Variants in A4GALT observed in about 807,000 individuals in gnomAD.
The protein encoded by A4GALT is lactosylceramide 4-alpha-galactosyltransferase.
For synonymous variants in A4GALT, 257 were observed against 220.7 expected (o/e 1.16, Z -1.46); for missense variants, 512 against 486.0 (o/e 1.05, Z -0.50).
rs762419257 is a variant in A4GALT at position 42,693,475 on chromosome 22, G to A, written c.477C>T (p.Tyr159=). The A allele has an allele frequency of 1.5e-5, 25 of 1,613,044 alleles. No individual in the cohort carries two copies. In the East Asian group the frequency reaches 4.0e-4, roughly 26 times the overall value. The change falls in exon 3 of 3, where the codon TAC becomes TAT. Residue 159 remains tyrosine (Y), a synonymous_variant. Transcript: ENST00000642412. Reference sequence around the variant, plus strand: ...GCTCCCAGCGCCCCTGCACGGCCGCGTACCAGTCGGCCAGGGGTGTGTCCC... The same window carrying A: ...GCTCCCAGCGCCCCTGCACGGCCGCATACCAGTCGGCCAGGGGTGTGTCCC... ...LFRDTPLADW[Y]AAVQGRWEPY...
At chr22:42,720,059 G>A (rs927339842) in intron 1 of A4GALT, among the ~76,000 whole-genome samples, 1 of 152,184 alleles carries the variant, frequency 6.6e-6, no homozygotes, top group African/African-American at 2.4e-5. Context: ...TGGGCGCTGG[G>A]ACCAGGTGCC....
chr22:42,720,063 A>G (rs903907022), intron 1 of A4GALT, among the ~76,000 whole-genome samples: 2 of 152,192 alleles, frequency 1.3e-5, no homozygotes, highest in African/African-American at 2.4e-5. Flanking sequence ...CGCTGGGACC[A>G]GGTGCCCCGG....
Position 42,692,911 on chromosome 22 carries a change from CTCGTGCG to C in A4GALT, c.1034_1040del (p.Thr345ArgfsTer3). ...CCCCTCACAAGTACATTTTCATGGC[CTCGTGCG>C]TCGTGGGGCAGTAGCGGGCATGCAG... is the stretch of plus-strand genomic sequence containing the variant. On this transcript the variant is annotated frameshift_variant, in exon 3 of 3. Transcript: ENST00000642412. LOFTEE classifies it high-confidence loss of function. The surrounding 1 kb of genome is among the most constrained non-coding windows in gnomAD (Gnocchi z 4.6). 1 of 1,604,690 alleles carries C rather than the reference CTCGTGCG, an allele frequency of 6.2e-7. No homozygotes were observed.
intron 1 of A4GALT, among the ~76,000 whole-genome samples, chr22:42,712,255 G>GCAA (rs1921762322): frequency 6.6e-6 from 1 of 152,070 alleles, no homozygotes; most frequent in African/African-American, 2.4e-5. Context: ...GAAATTCCCC[G>GCAA]CAACCCCTCC....
At chr22:42,718,001 T>C (rs1922343081) in intron 1 of A4GALT, among the ~76,000 whole-genome samples, 1 of 152,194 alleles carries the variant, frequency 6.6e-6, no homozygotes, top group South Asian at 2.1e-4. Flanking sequence ...TCATACGCAC[T>C]GATTACCAGG....
chr22:42,696,890 GTTC>G lies in A4GALT; in HGVS notation c.-187-1262_-187-1260del, dbSNP rs533575798. On this transcript the variant is annotated intron_variant, in intron 1 of 2. Coordinates refer to ENST00000642412, the MANE Select transcript of A4GALT (RefSeq NM_017436.7). The stretch of plus-strand genomic sequence containing the variant: ...CACCTGCTGTTCTTCTGCTTGGAGG[GTTC>G]TTCTCTCAGATGCCCACTCAAAAGT... 2.2e-4 allele frequency among the ~76,000 whole-genome samples: 33 copies of G among 151,206 alleles called. No individual in the cohort carries two copies. The South Asian group carries it at 6.9e-3, about 32-fold the overall frequency.
chr22:42,706,535 C>T (rs1921150427), intron 1 of A4GALT, among the ~76,000 whole-genome samples: 1 of 151,874 alleles, frequency 6.6e-6, no homozygotes, highest in African/African-American at 2.4e-5. Context: ...TCGCTTACGC[C>T]TGTAATCTCA....
chr22:42,696,798 G>T (rs989410311), intron 1 of A4GALT, among the ~76,000 whole-genome samples: 3 of 151,178 alleles, frequency 2.0e-5, no homozygotes, highest in African/African-American at 7.3e-5. Context: ...TTCTCTCCCC[G>T]CCACCTGTGC....
At position 42,695,559 on chromosome 22, in the gene A4GALT, T is replaced by TG. The variant is rs3216827; in HGVS notation, c.-116dup. 0.12 allele frequency: 18,394 copies of TG among 152,314 alleles called. 1,718 individuals carry two copies. Among genetic ancestry groups the TG allele is most frequent in the East Asian group, 0.56 (2,875 of 5,162 alleles). 9.4% of individuals were successfully genotyped at this position (152,314 alleles called of 1,614,324 possible). On this transcript the variant is annotated 5_prime_UTR_variant, in exon 2 of 3. Coordinates refer to ENST00000642412, the MANE Select transcript of A4GALT (RefSeq NM_017436.7). ...CCACAGGCCTCCGGGAGACACGCCCTGGCTCAGCAGCCGACCTTCTTTGCC... is the reference window on the plus strand; with the variant it reads ...CCACAGGCCTCCGGGAGACACGCCCTGGGCTCAGCAGCCGACCTTCTTTGCC...
At chr22:42,714,094 A>T (rs1921938510) in intron 1 of A4GALT, among the ~76,000 whole-genome samples, 1 of 151,804 alleles carries the variant, frequency 6.6e-6, no homozygotes, top group Non-Finnish European at 1.5e-5. Flanking sequence ...GTTGCGTGGG[A>T]AACATAGGGA....
Position 42,704,202 on chromosome 22 carries a change from C to T in A4GALT, c.-187-8571G>A, listed in dbSNP as rs546630028. Reference sequence around the variant, plus strand: ...ATTGGTATAAGAAGGACTGTTTGTGCCCAGGCGCAGTGGCTCATGCTTGTA... The same window carrying T: ...ATTGGTATAAGAAGGACTGTTTGTGTCCAGGCGCAGTGGCTCATGCTTGTA... On this transcript the variant is annotated intron_variant, in intron 1 of 2. Coordinates refer to ENST00000642412, the MANE Select transcript of A4GALT (RefSeq NM_017436.7). 2.4e-4 allele frequency among the ~76,000 whole-genome samples: 36 copies of T among 152,052 alleles called. 2 individuals carry two copies. Among genetic ancestry groups the T allele is most frequent in the African/African-American group, 8.2e-4 (34 of 41,512 alleles).
In A4GALT at chr22:42,705,931, G is replaced by C. The variant is rs531288258; in HGVS notation, c.-187-10300C>G. On this transcript the variant is annotated intron_variant, in intron 1 of 2. Coordinates refer to ENST00000642412, the MANE Select transcript of A4GALT (RefSeq NM_017436.7). Reference sequence around the variant, plus strand: ...TAGCCAGGCGTGGTAATGTGTGCCTGTCATCCCAGCTACTCGGGAGGCTGA... The same window carrying C: ...TAGCCAGGCGTGGTAATGTGTGCCTCTCATCCCAGCTACTCGGGAGGCTGA... 1.1e-4 allele frequency among the ~76,000 whole-genome samples: 13 copies of C among 120,126 alleles called. 2 individuals are homozygous for C. The highest frequency in any genetic ancestry group is 3.5e-4 in the African/African-American group (13 of 37,490). 78.8% of individuals were successfully genotyped at this position (120,126 alleles called of 152,430 possible). A position where few individuals can be genotyped will look rare whatever the true frequency, so the allele number is the denominator to read the frequency against.
chr22:42,700,412 G>C (rs573192402), intron 1 of A4GALT, among the ~76,000 whole-genome samples: 9 of 152,312 alleles, frequency 5.9e-5, no homozygotes, highest in African/African-American at 2.2e-4. Context: ...AGCCACGGTC[G>C]GGTGGTGGGA....
chr22:42,713,281 G>A (rs1921853687), intron 1 of A4GALT, among the ~76,000 whole-genome samples: 1 of 152,178 alleles, frequency 6.6e-6, no homozygotes, highest in Admixed American at 6.5e-5. Flanking sequence ...GTCAGGAGGT[G>A]ACAATTCACA....
At chr22:42,706,191 T>A (rs1221765443) in intron 1 of A4GALT, among the ~76,000 whole-genome samples, 1 of 134,660 alleles carries the variant, frequency 7.4e-6, no homozygotes, top group Non-Finnish European at 1.6e-5. Flanking sequence ...CCGTCTCTAC[T>A]AAAAATACAA....
At chr22:42,718,783 C>T (rs527848868) in intron 1 of A4GALT, among the ~76,000 whole-genome samples, 5 of 152,238 alleles carry the variant, frequency 3.3e-5, no homozygotes, top group South Asian at 2.1e-4. Flanking sequence ...GGGAAGCATG[C>T]GGTGAGCCAA....
Position 42,693,048 on chromosome 22 carries a change from C to G in A4GALT, c.904G>C (p.Glu302Gln). The G allele has an allele frequency of 6.2e-7, 1 of 1,612,658 alleles. No individual in the cohort carries two copies. The highest frequency in any genetic ancestry group is 8.5e-7 in the Non-Finnish European group (1 of 1,179,062). Residue 302 changes from glutamate to glutamine, a missense_variant, in exon 3 of 3, where the codon GAG becomes CAG. Transcript: ENST00000642412. ...GCACTGAGCAGCCGCGGCAGCTCCT[C>G]GGGGTTGATGTCCTCAAAGTACTTC... The part of the protein sequence containing the change: ...WKKYFEDINP[E>Q]ELPRLLSATY...
intron 1 of A4GALT, among the ~76,000 whole-genome samples, chr22:42,705,173 A>G (rs952538658): frequency 3.9e-5 from 6 of 152,032 alleles, no homozygotes; most frequent in Admixed American, 6.6e-5. Context: ...TTCCACCAAA[A>G]CCTCCTGTTA....
intron 1 of A4GALT, among the ~76,000 whole-genome samples, chr22:42,717,597 CCTT>C (rs1171943770): frequency 6.6e-6 from 1 of 152,198 alleles, no homozygotes; most frequent in Non-Finnish European, 1.5e-5. Context: ...ACCTGTCCCT[CCTT>C]CTCCTGGGCC....
Sources: gnomAD v4.1 joint callset for allele counts (sites outside exome capture counted in the v4.1 genomes callset) on GRCh38, gnomAD v4.1.1 for gene constraint, Gnocchi (gnomAD v3.1) non-coding constraint, MANE v1.5 for transcripts, NCBI Gene and HGNC (gene_info 2026-07-23, HGNC 2026-07-21) for gene names.